The following SARS2 variants were observed in gnomAD, a reference collection of about 807,000 sequenced individuals.
The protein encoded by SARS2 is seryl-tRNA synthetase 2, mitochondrial, also known as serine--tRNA ligase, mitochondrial.
Under a neutral mutation model 66.8 loss-of-function variants are expected in SARS2, and 52 were observed. That is an observed-to-expected ratio of 0.78 (90% CI 0.62 to 0.98). The LOEUF (loss-of-function observed/expected upper bound fraction) is 0.98. Among genes scored for constraint, SARS2 ranks in the 50% least tolerant of loss-of-function variants. The pLI, the probability that SARS2 is intolerant of heterozygous loss-of-function variation, is 0.00. For synonymous variants in SARS2, 306 were observed against 281.4 expected (o/e 1.09, Z -0.87); for missense variants, 673 against 706.3 (o/e 0.95, Z 0.53).
At chr19:38,930,414 C>T in intron 1 of SARS2, 56 bp downstream of exon 1, 1 of 1,540,026 alleles carries the variant, frequency 6.5e-7, no homozygotes, top group Non-Finnish European at 8.7e-7. Context: ...TCTTGCAAAC[C>T]CAATTCTTCC....
intron 12 of SARS2, 84 bp downstream of exon 12, chr19:38,917,640 C>G: frequency 1.1e-6 from 1 of 887,154 alleles, no homozygotes; most frequent in Non-Finnish European, 1.9e-6. Flanking sequence ...AGAGGTGGTT[C>G]CAGAGCGAAG....
In SARS2 at chr19:38,917,788, G is replaced by A; in HGVS notation, c.1096C>T (p.Gln366Ter). 1 of 1,614,106 alleles carries A rather than the reference G, an allele frequency of 6.2e-7. No individual in the cohort carries two copies. Among genetic ancestry groups the A allele is most frequent in the Non-Finnish European group, 8.5e-7 (1 of 1,180,004 alleles). ...VTGPGLEQSS[Q>*]LLEEFLSLQM... is the part of the protein sequence containing the mutation. ...AGGGACAGGAACTCCTCCAGCAGCT[G>A]TGAGCTCTGCTCCAGCCCAGGGCCT... The change falls in exon 12 of 16, where the codon CAG becomes TAG. Residue 366 changes from glutamine (Q) to a stop codon, truncating the protein, a stop_gained. Coordinates refer to ENST00000221431, the MANE Select transcript of SARS2 (RefSeq NM_017827.4). LOFTEE classifies it high-confidence loss of function.
At chr19:38,917,617 A>G (rs909640978) in intron 12 of SARS2, 107 bp downstream of exon 12, 2 of 776,914 alleles carry the variant, frequency 2.6e-6, no homozygotes, top group African/African-American at 3.4e-5. Flanking sequence ...AATGGGGGCA[A>G]CGAGGGGGCT....
At position 38,926,104 on chromosome 19, in the gene SARS2, C is replaced by T. The variant is rs1055350603; in HGVS notation, c.363+101G>A. ...TAGCTGGGATTATAGGCGTGAGCCA[C>T]CGTGCCAGCCTGTTCAAGTTCTTTA... On this transcript the variant is annotated intron_variant, in intron 2 of 15. Coordinates refer to ENST00000221431, the MANE Select transcript of SARS2 (RefSeq NM_017827.4). 34 of 1,019,740 alleles carry T rather than the reference C, an allele frequency of 3.3e-5. No individual in the cohort carries two copies. In the Admixed American group the frequency reaches 3.5e-4, roughly 10 times the overall value. 63.2% of individuals were successfully genotyped at this position (1,019,740 alleles called of 1,614,324 possible). A position where few individuals can be genotyped will look rare whatever the true frequency, so the allele number is the denominator to read the frequency against.
chr19:38,926,310 A>G lies in SARS2; in HGVS notation c.268-10T>C. The G allele has an allele frequency of 6.2e-7, 1 of 1,602,144 alleles. No homozygotes were observed. On this transcript the variant is annotated splice_polypyrimidine_tract_variant and intron_variant, in intron 1 of 15. Transcript: ENST00000221431. ...CCTGCCATGTCGAGATCTGGGGTGG[A>G]TATAAGAGAAAAGGAGATGAAGCAG... is the stretch of plus-strand genomic sequence containing the variant.
chr19:38,927,979 G>A lies in SARS2; in HGVS notation c.268-1679C>T, dbSNP rs546775515. On this transcript the variant is annotated intron_variant, in intron 1 of 15. Transcript: ENST00000221431. ...ACCCGGGAGGTAGAGATTGCAGTGA[G>A]CCAAGACTGCACCACTGCACTCTAG... 2.9e-4 allele frequency among the ~76,000 whole-genome samples: 44 copies of A among 152,338 alleles called. 1 individual carries two copies. The highest frequency in any genetic ancestry group is 1.0e-3 in the African/African-American group (43 of 41,578).
chr19:38,929,690 A>G (rs1176354583), intron 1 of SARS2, among the ~76,000 whole-genome samples: 3 of 152,130 alleles, frequency 2.0e-5, no homozygotes, highest in Admixed American at 6.5e-5. Context: ...TTCCCCTCTG[A>G]TAAAATGGGA....
rs190530313 is a variant in SARS2 at position 38,919,186 on chromosome 19, C to T, written c.760-373G>A. 2.6e-5 allele frequency among the ~76,000 whole-genome samples: 4 copies of T among 152,192 alleles called. No individual in the cohort carries two copies. In the East Asian group the frequency reaches 7.7e-4, roughly 29 times the overall value. On this transcript the variant is annotated intron_variant, in intron 7 of 15. Coordinates refer to ENST00000221431, the MANE Select transcript of SARS2 (RefSeq NM_017827.4). ...CCTGTAATCCCAGCTACTCAGGAGG[C>T]TGAGGCAGGAGAATTACTTAAACCC...
Position 38,930,744 on chromosome 19 carries a change from C to A in SARS2, c.-8G>T, listed in dbSNP as rs748551822. 1.9e-6 allele frequency: 3 copies of A among 1,612,600 alleles called. No individual in the cohort carries two copies. In the South Asian group the frequency reaches 3.3e-5, roughly 18 times the overall value. On this transcript the variant is annotated 5_prime_UTR_variant, in exon 1 of 16. Coordinates refer to ENST00000221431, the MANE Select transcript of SARS2 (RefSeq NM_017827.4). ...CGCCATGGACGCAGCCATCTTGGAC[C>A]GGGAACAAGGCGGCACTTCGTCCCG... is the stretch of plus-strand genomic sequence containing the variant.
In SARS2 at chr19:38,921,589, G is replaced by A; in HGVS notation, c.472C>T (p.Gln158Ter). The change falls in exon 4 of 16, where the codon CAG becomes TAG. Residue 158 changes from glutamine to a stop codon, truncating the protein, a stop_gained. Coordinates refer to ENST00000221431, the MANE Select transcript of SARS2 (RefSeq NM_017827.4). LOFTEE classifies it high-confidence loss of function. Reference sequence around the variant, plus strand: ...TGCAGGTAGAACTGCTCCTCAAGCTGGGCCTCCCTGGGGTACAGGTGAACA... The same window carrying A: ...TGCAGGTAGAACTGCTCCTCAAGCTAGGCCTCCCTGGGGTACAGGTGAACA... ...ELVHLYPREA[Q>*]LEEQFYLQAL... 1 of 1,614,196 alleles carries A rather than the reference G, an allele frequency of 6.2e-7. No homozygotes were observed. Among genetic ancestry groups the A allele is most frequent in the Non-Finnish European group, 8.5e-7 (1 of 1,180,024 alleles).
At chr19:38,916,915 G>A (rs528734297) in intron 12 of SARS2, among the ~76,000 whole-genome samples, 6 of 151,526 alleles carry the variant, frequency 4.0e-5, no homozygotes, top group South Asian at 2.1e-4. Context: ...CGCCTGTCCC[G>A]GCCTCCCAAA....
intron 1 of SARS2, chr19:38,929,987 GATTCATTC>G (rs959069768): frequency 6.3e-6 from 1 of 157,762 alleles, no homozygotes; most frequent in African/African-American, 2.4e-5. Flanking sequence ...TTCATTAATG[GATTCATTC>G]ATTCATTCAT....
intron 5 of SARS2, among the ~76,000 whole-genome samples, chr19:38,920,537 G>A (rs1173950453): frequency 6.6e-6 from 1 of 151,366 alleles, no homozygotes; most frequent in Non-Finnish European, 1.5e-5. Context: ...AAAGCAGGGG[G>A]GTCAGAGAGA....
chr19:38,926,830 G>A (rs770688677), intron 1 of SARS2, among the ~76,000 whole-genome samples: 4 of 151,122 alleles, frequency 2.6e-5, no homozygotes, highest in Non-Finnish European at 5.9e-5. Context: ...AAAAATCATG[G>A]CTGGGTGTGG....
intron 15 of SARS2, 22 bp downstream of exon 15, chr19:38,915,819 G>A (rs760266236): frequency 6.2e-7 from 1 of 1,613,346 alleles, no homozygotes; most frequent in Admixed American, 1.7e-5. Flanking sequence ...TGCCTCTCTG[G>A]GTGGGCCCCT....
chr19:38,921,770 G>T, intron 3 of SARS2, 103 bp from the exon 4 acceptor site: 1 of 1,498,182 alleles, frequency 6.7e-7, no homozygotes, highest in Non-Finnish European at 9.1e-7. Context: ...GGACATTCAT[G>T]CCTCTTCTCC....
At position 38,930,450 on chromosome 19, in the gene SARS2, G is replaced by T; in HGVS notation, c.267+20C>A. 1.3e-6 allele frequency: 2 copies of T among 1,581,964 alleles called. No individual in the cohort carries two copies. Among genetic ancestry groups the T allele is most frequent in the East Asian group, 2.3e-5 (1 of 44,346 alleles). ...GTAAAGCAAACGTCTGCGCCCCCCGGCCGGCGCAGGCGCACTCACGATCGC... is the reference window on the plus strand; with the variant it reads ...GTAAAGCAAACGTCTGCGCCCCCCGTCCGGCGCAGGCGCACTCACGATCGC... On this transcript the variant is annotated intron_variant, in intron 1 of 15. Coordinates refer to ENST00000221431, the MANE Select transcript of SARS2 (RefSeq NM_017827.4).
Position 38,919,767 on chromosome 19 carries a change from G to A in SARS2, c.754C>T (p.Arg252Cys), listed in dbSNP as rs555119979. The A allele has an allele frequency of 6.8e-5, 110 of 1,613,888 alleles. 1 individual carries two copies. In the South Asian group the frequency reaches 1.0e-3, roughly 15 times the overall value. ...LVNFTFNKLL[R>C]RGFTPMTVPD... Reference sequence around the variant, plus strand: ...CCTCCTATCTTGGCCCATACCCGGCGGAGAAGCTTGTTGAATGTGAAGTTG... The same window carrying A: ...CCTCCTATCTTGGCCCATACCCGGCAGAGAAGCTTGTTGAATGTGAAGTTG... The change falls in exon 7 of 16, where the codon CGC becomes TGC. Residue 252 changes from arginine (R) to cysteine (C), a missense_variant. Physicochemically the swap from Arg to Cys is radical, Grantham distance 180 (BLOSUM62 -3). Coordinates refer to ENST00000221431, the MANE Select transcript of SARS2 (RefSeq NM_017827.4).
intron 12 of SARS2, among the ~76,000 whole-genome samples, chr19:38,916,962 CTTTA>C (rs1478674988): frequency 1.3e-5 from 2 of 149,600 alleles, no homozygotes; most frequent in African/African-American, 2.5e-5. Flanking sequence ...CGTGCCTGGC[CTTTA>C]TTTTTTTTTT....
Sources: allele counts gnomAD v4.1 joint callset (sites outside exome capture counted in the v4.1 genomes callset), GRCh38; gene constraint gnomAD v4.1.1; transcripts MANE v1.5; gene names NCBI Gene and HGNC (gene_info 2026-07-23, HGNC 2026-07-21).